Variants in GPATCH8 observed in about 807,000 individuals in gnomAD.
GPATCH8 encodes the protein G-patch domain containing 8, also known as G patch domain-containing protein 8.
GPATCH8 carries 18 observed loss-of-function variants against 118.3 expected under a neutral mutation model. The observed-to-expected ratio is 0.15, with a 90% CI of 0.11 to 0.23. The LOEUF (loss-of-function observed/expected upper bound fraction) is 0.23. GPATCH8 is among the 10% of genes least tolerant of loss of function. The pLI is 1.00. For synonymous variants in GPATCH8, 659 were observed against 684.7 expected (o/e 0.96, Z 0.59); for missense variants, 1,631 against 1,873.8 (o/e 0.87, Z 2.39).
At chr17:44,477,870 T>A (rs114417158) in intron 1 of GPATCH8, among the ~76,000 whole-genome samples, 1,852 of 152,280 alleles carry the variant, frequency 0.012, 32 homozygotes, top group African/African-American at 0.037. Context: ...AGCGCAGTGA[T>A]GCCATCTCAG....
intron 6 of GPATCH8, among the ~76,000 whole-genome samples, chr17:44,407,815 C>T (rs921096281): frequency 6.6e-6 from 1 of 152,030 alleles, no homozygotes; most frequent in Non-Finnish European, 1.5e-5. Flanking sequence ...AACCCCTATG[C>T]TTGGCTAATT....
At chr17:44,475,907 T>TA (rs1485429472) in intron 1 of GPATCH8, among the ~76,000 whole-genome samples, 11 of 152,052 alleles carry the variant, frequency 7.2e-5, no homozygotes, top group Non-Finnish European at 4.4e-5. Context: ...TGTGAGCCTG[T>TA]AGTCCCAGCT....
chr17:44,422,577 C>T (rs559059911), intron 6 of GPATCH8, among the ~76,000 whole-genome samples: 1 of 151,994 alleles, frequency 6.6e-6, no homozygotes, highest in Non-Finnish European at 1.5e-5. Context: ...GCAAGCTCCG[C>T]CTCCCGGGTT....
Position 44,397,317 on chromosome 17 carries a change from G to A in GPATCH8, c.*251C>T, listed in dbSNP as rs755532852. The A allele has an allele frequency of 1.5e-6, 1 of 655,502 alleles. No individual in the cohort carries two copies. The highest frequency in any genetic ancestry group is 2.8e-6 in the Non-Finnish European group (1 of 356,050). 40.6% of individuals were successfully genotyped at this position (655,502 alleles called of 1,614,324 possible). A position where few individuals can be genotyped will look rare whatever the true frequency, so the allele number is the denominator to read the frequency against. On this transcript the variant is annotated 3_prime_UTR_variant, in exon 8 of 8. Transcript: ENST00000591680. ...TGCAGAGGGGTGGGTAGCACTTACT[G>A]GTGTTCCCTAGCTTAGAAACACAGA... is the stretch of plus-strand genomic sequence containing the variant.
At chr17:44,482,927 C>G (rs1968392007) in intron 1 of GPATCH8, among the ~76,000 whole-genome samples, 1 of 150,024 alleles carries the variant, frequency 6.7e-6, no homozygotes, top group South Asian at 2.1e-4. Flanking sequence ...GAGGCCGAGG[C>G]AGGCGGATCA....
intron 1 of GPATCH8, among the ~76,000 whole-genome samples, chr17:44,493,890 T>C (rs973669958): frequency 2.0e-5 from 3 of 152,184 alleles, no homozygotes; most frequent in African/African-American, 7.2e-5. Context: ...GAAAAGAACA[T>C]TATATAAGAG....
intron 6 of GPATCH8, among the ~76,000 whole-genome samples, chr17:44,416,865 GT>G (rs1236052968): frequency 6.6e-6 from 1 of 152,168 alleles, no homozygotes; most frequent in Admixed American, 6.5e-5. Flanking sequence ...GGGAACTACT[GT>G]TTTTGTTCAC....
At chr17:44,430,482 A>T (rs189522273) in intron 5 of GPATCH8, among the ~76,000 whole-genome samples, 215 of 152,130 alleles carry the variant, frequency 1.4e-3, no homozygotes, top group Admixed American at 2.9e-3. Context: ...AAAACCCAAT[A>T]CTCTCTTTCA....
intron 3 of GPATCH8, among the ~76,000 whole-genome samples, chr17:44,438,335 T>A (rs545290687): frequency 6.6e-6 from 1 of 152,238 alleles, no homozygotes; most frequent in Non-Finnish European, 1.5e-5. Context: ...TCTGCATTAG[T>A]ACTTTTGCCT....
rs566253126 is a variant in GPATCH8, at chr17:44,435,411, CT to C, written c.262-261del. ...ATGTTAATTTTCTTTTCTTTCTTTC[CT>C]TTTTTTTTTTTTTTTTTTGAGATGG... On this transcript the variant is annotated intron_variant, in intron 4 of 7. Coordinates refer to ENST00000591680, the MANE Select transcript of GPATCH8 (RefSeq NM_001002909.4). Among the ~76,000 whole-genome samples the C allele has an allele frequency of 5.7e-3, 571 of 99,730 alleles. 11 individuals carry two copies. Among genetic ancestry groups the C allele is most frequent in the Admixed American group, 0.051 (383 of 7,466 alleles). The allele number at this position is 99,730 out of a possible 152,430, so 65.4% of individuals were successfully genotyped here.
At chr17:44,464,666 CTAA>C in intron 2 of GPATCH8, 122 bp from the exon 3 acceptor site, 1 of 755,422 alleles carries the variant, frequency 1.3e-6, no homozygotes, top group Non-Finnish European at 2.4e-6. Flanking sequence ...CAAAAAGGTG[CTAA>C]TAATAGGGTA....
intron 6 of GPATCH8, among the ~76,000 whole-genome samples, chr17:44,421,255 C>T (rs557960131): frequency 2.5e-3 from 375 of 151,788 alleles, no homozygotes; most frequent in African/African-American, 8.7e-3. Context: ...GCAGGAGAAT[C>T]GCTTGAACCC....
At chr17:44,413,905 C>T (rs1193405875) in intron 6 of GPATCH8, among the ~76,000 whole-genome samples, 1 of 152,016 alleles carries the variant, frequency 6.6e-6, no homozygotes, top group East Asian at 1.9e-4. Flanking sequence ...TAGGTGTGAG[C>T]CACTGTGCCC....
At position 44,400,287 on chromosome 17, in the gene GPATCH8, C is replaced by G. The variant is rs1346102708; in HGVS notation, c.1790G>C (p.Ser597Thr). 6.2e-7 allele frequency: 1 copy of G among 1,614,076 alleles called. No homozygotes were observed. The highest frequency in any genetic ancestry group is 1.7e-5 in the Admixed American group (1 of 60,028). The change falls in exon 8 of 8, where the codon AGC becomes ACC. Residue 597 changes from serine to threonine, a missense_variant. Physicochemically the swap from Ser to Thr is moderately conservative, Grantham distance 58 (BLOSUM62 1). Coordinates refer to ENST00000591680, the MANE Select transcript of GPATCH8 (RefSeq NM_001002909.4). ...KGTEKPKDIG[S>T]SSKDHLQGLD... ...GCCTTGGAGATGGTCCTTTGAGGAG[C>G]TTCCTATATCCTTTGGTTTTTCTGT...
intron 5 of GPATCH8, among the ~76,000 whole-genome samples, chr17:44,429,607 C>T (rs576279481): frequency 1.8e-4 from 26 of 142,142 alleles, no homozygotes; most frequent in South Asian, 9.4e-4. Flanking sequence ...GTCAGGAGTT[C>T]GAGACCAGCC....
chr17:44,434,151 T>C (rs1023032909), intron 5 of GPATCH8, among the ~76,000 whole-genome samples: 2 of 150,592 alleles, frequency 1.3e-5, no homozygotes, highest in Non-Finnish European at 3.0e-5. Context: ...ATAATATTAA[T>C]AATAATAATA....
At chr17:44,429,143 AAAG>A (rs1215457515) in intron 5 of GPATCH8, among the ~76,000 whole-genome samples, 2 of 152,204 alleles carry the variant, frequency 1.3e-5, no homozygotes, top group African/African-American at 4.8e-5. Context: ...TCTCAAAAAA[AAAG>A]AATATTTACA....
chr17:44,436,455 A>T, intron 4 of GPATCH8, 23 bp downstream of exon 4: 1 of 1,002,192 alleles, frequency 1.0e-6, no homozygotes, highest in Non-Finnish European at 1.6e-6. Flanking sequence ...CACAAAACTT[A>T]TGAGTTAATG....
At position 44,400,653 on chromosome 17, in the gene GPATCH8, T is replaced by C; in HGVS notation, c.1424A>G (p.Glu475Gly). 6.2e-7 allele frequency: 1 copy of C among 1,613,410 alleles called. No individual in the cohort carries two copies. Among genetic ancestry groups the C allele is most frequent in the Non-Finnish European group, 8.5e-7 (1 of 1,179,460 alleles). The change falls in exon 8 of 8, where the codon GAA becomes GGA. Residue 475 changes from glutamate (E) to glycine (G), a missense_variant. Glu to Gly is a moderately conservative substitution (Grantham distance 98). Coordinates refer to ENST00000591680, the MANE Select transcript of GPATCH8 (RefSeq NM_001002909.4). ...CTTTGCCTCAGCTTTGCTTCCTGGT[T>C]CTGAGGGCTCGGTCATGCTGGTTTC... ...PKETSMTEPS[E>G]PGSKAEAKKA...
Sources: allele counts gnomAD v4.1 joint callset (sites outside exome capture counted in the v4.1 genomes callset), GRCh38; gene constraint gnomAD v4.1.1; transcripts MANE v1.5; gene names NCBI Gene and HGNC (gene_info 2026-07-23, HGNC 2026-07-21).